NFIA: variants seen among roughly 807,000 people sequenced by gnomAD.
NFIA encodes the protein nuclear factor 1 A-type.
Under a neutral mutation model 62.8 loss-of-function variants are expected in NFIA, and 8 were observed. That is an observed-to-expected ratio of 0.13 (90% CI 0.07 to 0.23). The LOEUF is 0.23. NFIA is among the 10% of genes least tolerant of loss of function. NFIA has a pLI of 1.00. For synonymous variants in NFIA, 235 were observed against 238.1 expected (o/e 0.99, Z 0.12); for missense variants, 410 against 642.1 (o/e 0.64, Z 3.91).
chr1:61,416,181 T>C (rs983373495), intron 9 of NFIA, among the ~76,000 whole-genome samples: 8 of 152,306 alleles, frequency 5.3e-5, no homozygotes, highest in Admixed American at 3.9e-4. Flanking sequence ...AGACAACTTT[T>C]TGGTGCCTTA....
intron 2 of NFIA, among the ~76,000 whole-genome samples, chr1:61,108,181 A>G (rs919837353): frequency 6.6e-5 from 10 of 151,586 alleles, no homozygotes; most frequent in African/African-American, 1.2e-4. Flanking sequence ...GAAACATCCT[A>G]TTGGGACTTT....
chr1:61,266,032 G>A (rs149629063), intron 2 of NFIA, among the ~76,000 whole-genome samples: 151 of 152,284 alleles, frequency 9.9e-4, no homozygotes, highest in African/African-American at 3.5e-3. Context: ...GAATGCAGCC[G>A]AAGACCAACA....
chr1:61,181,686 A>T (rs1315392659), intron 2 of NFIA, among the ~76,000 whole-genome samples: 1 of 152,192 alleles, frequency 6.6e-6, no homozygotes, highest in Non-Finnish European at 1.5e-5. Context: ...AGCACTGTGG[A>T]ATGTCTTGAT....
chr1:61,326,154 T>C (rs2100378860), intron 3 of NFIA, among the ~76,000 whole-genome samples: 1 of 152,254 alleles, frequency 6.6e-6, no homozygotes, highest in South Asian at 2.1e-4. Flanking sequence ...CTAGATCCTT[T>C]TTGGGTGGAG....
chr1:61,328,208 T>G (rs1661064096), intron 3 of NFIA, among the ~76,000 whole-genome samples: 2 of 152,002 alleles, frequency 1.3e-5, no homozygotes, highest in South Asian at 4.2e-4. Flanking sequence ...GGCAGGGGGC[T>G]CAGAACACAT....
intron 3 of NFIA, among the ~76,000 whole-genome samples, chr1:61,322,630 G>A (rs771243812): frequency 4.0e-5 from 6 of 149,136 alleles, no homozygotes; most frequent in African/African-American, 4.9e-5. Context: ...AGGCAGTCTG[G>A]AAAGTGTGCT....
chr1:61,424,836 G>A (rs553129944), intron 9 of NFIA, among the ~76,000 whole-genome samples: 5 of 152,106 alleles, frequency 3.3e-5, no homozygotes, highest in Non-Finnish European at 7.4e-5. Context: ...ATTTTACTGA[G>A]CTTTTAAAAA....
At chr1:61,374,655 C>A (rs1396341857) in intron 6 of NFIA, among the ~76,000 whole-genome samples, 2 of 152,090 alleles carry the variant, frequency 1.3e-5, no homozygotes, top group East Asian at 3.8e-4. Context: ...CTCCATACTC[C>A]CATTTTTTAA....
At chr1:61,449,085 G>A (rs1667949756) in intron 10 of NFIA, among the ~76,000 whole-genome samples, 1 of 152,190 alleles carries the variant, frequency 6.6e-6, no homozygotes, top group South Asian at 2.1e-4. Flanking sequence ...GTAGTAAGTA[G>A]GCAGCAGTCC....
chr1:61,159,581 T>A (rs1358264483), intron 2 of NFIA, among the ~76,000 whole-genome samples: 2 of 152,142 alleles, frequency 1.3e-5, no homozygotes, highest in East Asian at 3.8e-4. Context: ...GTTTAACAAC[T>A]CTGCATCTCA....
At chr1:61,424,234 A>C (rs1210853669) in intron 9 of NFIA, among the ~76,000 whole-genome samples, 2 of 152,182 alleles carry the variant, frequency 1.3e-5, no homozygotes, top group Admixed American at 1.3e-4. Context: ...TAAATCTTTC[A>C]AATGGAGAAA....
intron 2 of NFIA, among the ~76,000 whole-genome samples, chr1:61,173,217 A>G (rs1650083585): frequency 6.6e-6 from 1 of 152,170 alleles, no homozygotes; most frequent in African/African-American, 2.4e-5. Flanking sequence ...GTTCTTGCTG[A>G]GGAACGTGGA....
intron 2 of NFIA, among the ~76,000 whole-genome samples, chr1:61,191,593 A>G (rs1371433279): frequency 6.6e-6 from 1 of 152,080 alleles, no homozygotes; most frequent in Non-Finnish European, 1.5e-5. Context: ...TGCTGTGTAG[A>G]TAGTAGCTCT....
intron 2 of NFIA, chr1:61,248,795 C>T (rs1655819430): frequency 2.6e-5 from 4 of 152,178 alleles, no homozygotes; most frequent in Admixed American, 2.6e-4. Context: ...TTAAATCTTC[C>T]CCAGCCCCAA....
chr1:61,082,922 G>A (rs1436452524), intron 1 of NFIA, 104 bp downstream of exon 1: 1 of 1,269,028 alleles, frequency 7.9e-7, no homozygotes, highest in African/African-American at 1.6e-5. Flanking sequence ...CGGGCCCAGG[G>A]CGTGCGTCTC....
At chr1:61,454,093 A>G (rs1668195356) in intron 10 of NFIA, among the ~76,000 whole-genome samples, 1 of 152,200 alleles carries the variant, frequency 6.6e-6, no homozygotes, top group Non-Finnish European at 1.5e-5. Flanking sequence ...ACATTACCTA[A>G]TGGAATCTCT....
intron 10 of NFIA, among the ~76,000 whole-genome samples, chr1:61,440,602 A>G (rs1472935013): frequency 1.3e-5 from 2 of 152,152 alleles, no homozygotes; most frequent in Admixed American, 6.5e-5. Context: ...CAAAAAAAGA[A>G]CACGTATTTC....
At chr1:61,446,174 A>G (rs1385379154) in intron 10 of NFIA, among the ~76,000 whole-genome samples, 1 of 152,182 alleles carries the variant, frequency 6.6e-6, no homozygotes, top group Non-Finnish European at 1.5e-5. Flanking sequence ...CTGAACTGGG[A>G]CTTGAACCAG....
At chr1:61,287,637 C>T (rs533376349) in intron 3 of NFIA, among the ~76,000 whole-genome samples, 6 of 152,012 alleles carry the variant, frequency 3.9e-5, no homozygotes, top group African/African-American at 1.4e-4. Flanking sequence ...AAACCCGTGA[C>T]AGAGCAAGAC....
Sources: gnomAD v4.1 joint callset for allele counts (sites outside exome capture counted in the v4.1 genomes callset) on GRCh38, gnomAD v4.1.1 for gene constraint, MANE v1.5 for transcripts, NCBI Gene and HGNC (gene_info 2026-07-23, HGNC 2026-07-21) for gene names.